CDH9: variants seen among roughly 807,000 people sequenced by gnomAD.
CDH9 encodes the protein cadherin 9.
CDH9 carries 28 observed loss-of-function variants against 70.9 expected under a neutral mutation model. That is an observed-to-expected ratio of 0.40 (90% CI 0.29 to 0.54). The LOEUF (loss-of-function observed/expected upper bound fraction) is 0.54, where lower values mean the gene tolerates loss of function less well. Ranked by LOEUF, CDH9 falls within the 20% of genes least tolerant of loss-of-function variation. CDH9 has a pLI of 0.59. For missense variants in CDH9, 874 were observed against 984.4 expected (o/e 0.89, Z 1.50); for synonymous variants, 409 against 343.1 (o/e 1.19, Z -2.12).
intron 1 of CDH9, among the ~76,000 whole-genome samples, chr5:27,002,526 T>C (rs1478328187): frequency 1.3e-5 from 2 of 152,082 alleles, no homozygotes; most frequent in East Asian, 3.9e-4. Context: ...AACCCAAATG[T>C]CCATCAATGA....
At chr5:26,900,115 A>G (rs1231514300) in intron 7 of CDH9, among the ~76,000 whole-genome samples, 15 of 152,028 alleles carry the variant, frequency 9.9e-5, no homozygotes. Context: ...TGAGAGATAA[A>G]AAATTAAAAA....
At chr5:27,008,889 C>T (rs1742911274) in intron 1 of CDH9, among the ~76,000 whole-genome samples, 1 of 152,136 alleles carries the variant, frequency 6.6e-6, no homozygotes, top group Admixed American at 6.6e-5. Flanking sequence ...AATAACTTTG[C>T]AATTGAAGTT....
chr5:26,908,136 C>T (rs978162393), intron 3 of CDH9, among the ~76,000 whole-genome samples: 2 of 152,036 alleles, frequency 1.3e-5, no homozygotes, highest in African/African-American at 4.8e-5. Flanking sequence ...TCTCTTGAGG[C>T]CTCTGTTTTC....
chr5:26,890,507 A>G lies in CDH9; in HGVS notation c.1311T>C (p.Asn437=). The change falls in exon 8 of 12, where the codon AAT becomes AAC. Residue 437 remains asparagine (N), a synonymous_variant. Transcript: ENST00000231021. ...MDRIFGIHSE[N]GSIFTLKALD... ...GGGCTTTCAAAGTGAAAATAGAACC[A>G]TTTTCTGAGTGAATACCAAAAATAC... The G allele has an allele frequency of 6.2e-7, 1 of 1,609,722 alleles. No homozygotes were observed. The highest frequency in any genetic ancestry group is 8.5e-7 in the Non-Finnish European group (1 of 1,176,102).
At chr5:27,010,485 A>G (rs1742937334) in intron 1 of CDH9, among the ~76,000 whole-genome samples, 2 of 152,090 alleles carry the variant, frequency 1.3e-5, no homozygotes, top group Non-Finnish European at 2.9e-5. Flanking sequence ...TAATTTGTCA[A>G]AAGACTTTCT....
At chr5:26,886,107 A>ATTAC in intron 9 of CDH9, 24 bp from the exon 10 acceptor site, 1 of 1,579,376 alleles carries the variant, frequency 6.3e-7, no homozygotes, top group Non-Finnish European at 8.6e-7. Context: ...TAATTAATTA[A>ATTAC]TTAATTAAGC....
chr5:26,999,155 G>C (rs1175722674), intron 1 of CDH9, among the ~76,000 whole-genome samples: 1 of 152,022 alleles, frequency 6.6e-6, no homozygotes, highest in African/African-American at 2.4e-5. Flanking sequence ...TGAGGCAGGG[G>C]AATCACTTGA....
intron 3 of CDH9, among the ~76,000 whole-genome samples, chr5:26,914,377 T>G (rs928655214): frequency 6.6e-6 from 1 of 151,890 alleles, no homozygotes; most frequent in African/African-American, 2.4e-5. Flanking sequence ...ATTAGCGCAC[T>G]GGTCGACCTA....
In CDH9 at chr5:26,924,817, C is replaced by G. The variant is rs1263616251; in HGVS notation, c.229-8893G>C. On this transcript the variant is annotated intron_variant, in intron 2 of 11. Coordinates refer to ENST00000231021, the MANE Select transcript of CDH9 (RefSeq NM_016279.4). ...AACATGCAGTGCTTAGTCTTCTGTC[C>G]TTGTGATAGTTTGCCGAGAATGATG... Among the ~76,000 whole-genome samples the G allele has an allele frequency of 2.6e-5, 4 of 151,754 alleles. No individual in the cohort carries two copies. In the East Asian group the frequency reaches 5.9e-4, roughly 22 times the overall value.
chr5:26,995,101 T>A (rs1414200546), intron 1 of CDH9, among the ~76,000 whole-genome samples: 2 of 152,218 alleles, frequency 1.3e-5, no homozygotes, highest in Non-Finnish European at 2.9e-5. Flanking sequence ...TTTCCACTAG[T>A]TTAAATGTAA....
At chr5:26,984,035 A>G (rs1226958942) in intron 2 of CDH9, among the ~76,000 whole-genome samples, 1 of 152,110 alleles carries the variant, frequency 6.6e-6, no homozygotes, top group Non-Finnish European at 1.5e-5. Context: ...TCTTTTGTTA[A>G]CTGTGTTTCC....
intron 2 of CDH9, among the ~76,000 whole-genome samples, chr5:26,942,908 G>A (rs748260544): frequency 2.0e-5 from 3 of 152,118 alleles, no homozygotes; most frequent in Non-Finnish European, 2.9e-5. Context: ...TTCAGTAATT[G>A]TAATGCAAAG....
intron 11 of CDH9, among the ~76,000 whole-genome samples, chr5:26,884,679 G>A (rs954445715): frequency 2.6e-5 from 4 of 152,082 alleles, no homozygotes; most frequent in African/African-American, 9.7e-5. Flanking sequence ...CTGGCCAAAG[G>A]GATTTCATCC....
intron 2 of CDH9, among the ~76,000 whole-genome samples, chr5:26,947,875 G>C (rs1230991245): frequency 2.0e-5 from 3 of 152,094 alleles, no homozygotes; most frequent in Non-Finnish European, 4.4e-5. Context: ...GACACAGCAG[G>C]CTGCCTGGTT....
At chr5:26,907,673 T>A (rs1028161237) in intron 3 of CDH9, among the ~76,000 whole-genome samples, 1 of 152,152 alleles carries the variant, frequency 6.6e-6, no homozygotes, top group Admixed American at 6.5e-5. Flanking sequence ...GATGAATTTT[T>A]AAAATTATCT....
chr5:26,916,618 T>A (rs1181637351), intron 2 of CDH9, among the ~76,000 whole-genome samples: 1 of 151,990 alleles, frequency 6.6e-6, no homozygotes, highest in Non-Finnish European at 1.5e-5. Context: ...GAATGGTCTC[T>A]CTTTCTCTCT....
chr5:26,883,095 A>ATATATATAT (rs1491220387), intron 11 of CDH9, among the ~76,000 whole-genome samples: 3 of 123,688 alleles, frequency 2.4e-5, no homozygotes, highest in Admixed American at 8.1e-5. Context: ...ATATATATAT[A>ATATATATAT]AAACTGCAGT....
intron 1 of CDH9, among the ~76,000 whole-genome samples, chr5:27,011,465 C>T (rs183162952): frequency 6.6e-6 from 1 of 151,854 alleles, no homozygotes; most frequent in Non-Finnish European, 1.5e-5. Context: ...ACCACAACAC[C>T]GGAAGCTAGA....
In CDH9 at chr5:26,902,511, T is replaced by C. The variant is rs2111987570; in HGVS notation, c.1218A>G (p.Thr406=). 6.2e-7 allele frequency: 1 copy of C among 1,605,550 alleles called. No individual in the cohort carries two copies. ...TGTTCCTGGCATCTGGATCGTATGCTGTAACCTGTCCAATGATACTGCCCT... is the reference window on the plus strand; with the variant it reads ...TGTTCCTGGCATCTGGATCGTATGCCGTAACCTGTCCAATGATACTGCCCT... ...VKEGSIIGQV[T]AYDPDARNNL... is the part of the protein sequence containing the mutation. Residue 406 remains threonine (T), a synonymous_variant, in exon 7 of 12, where the codon ACA becomes ACG. Transcript: ENST00000231021.
Sources: allele counts gnomAD v4.1 joint callset (sites outside exome capture counted in the v4.1 genomes callset), GRCh38; gene constraint gnomAD v4.1.1; transcripts MANE v1.5; gene names NCBI Gene and HGNC (gene_info 2026-07-23, HGNC 2026-07-21).